Variants in EIF3M observed in about 807,000 individuals in gnomAD.
EIF3M encodes the protein B5 receptor.
In EIF3M, 25 loss-of-function variants were observed where a neutral mutation model predicts 49.7. The ratio of observed to expected loss-of-function variants is 0.50; its 90% CI spans 0.37 to 0.70. EIF3M has a LOEUF of 0.70. EIF3M is among the 30% of genes least tolerant of loss of function. The pLI is 0.00. For synonymous variants in EIF3M, 156 were observed against 149.8 expected, an observed-to-expected ratio of 1.04 and a Z score of -0.30; for missense variants, 350 against 440.0, an observed-to-expected ratio of 0.80 and a Z score of 1.83.
At chr11:32,601,521 AAACAG>A in intron 9 of EIF3M, 1 of 257,964 alleles carries the variant, frequency 3.9e-6, no homozygotes, top group Non-Finnish European at 7.1e-6. Flanking sequence ...AAAAAAAAAA[AAACAG>A]CAAAAAACTG....
At chr11:32,594,705 C>T (rs1009206680) in intron 6 of EIF3M, 12 of 392,716 alleles carry the variant, frequency 3.1e-5, no homozygotes, top group Non-Finnish European at 5.4e-5. Flanking sequence ...TTTTTATCTA[C>T]AATTAATATA....
At position 32,598,005 on chromosome 11, in the gene EIF3M, A is replaced by G. The variant is rs12801493; in HGVS notation, c.799+1958A>G. Among the ~76,000 whole-genome samples the G allele has an allele frequency of 7.6e-3, 1,162 of 152,328 alleles. 12 individuals carry two copies. Among genetic ancestry groups the G allele is most frequent in the Non-Finnish European group, 0.012 (792 of 68,012 alleles). On this transcript the variant is annotated intron_variant, in intron 8 of 10. Transcript: ENST00000531120. ...AATAAGGCATTTGAAATACACCAAG[A>G]TAAAGTAGATGTAAGTGTGTTTGTG...
rs773775103 is a variant in EIF3M at position 32,603,158 on chromosome 11, A to C, written c.*759A>C. The C allele has an allele frequency of 7.8e-6, 5 of 637,310 alleles. No homozygotes were observed. Among genetic ancestry groups the C allele is most frequent in the Non-Finnish European group, 1.3e-5 (5 of 374,132 alleles). The allele number at this position is 637,310 out of a possible 1,614,324, so 39.5% of individuals were successfully genotyped here. The stretch of plus-strand genomic sequence containing the variant: ...TTTCCACTACCTTAGTAGTTCTGGC[A>C]CCAGAAAAGTATACAATGTGAATGT... On this transcript the variant is annotated 3_prime_UTR_variant, in exon 11 of 11. Coordinates refer to ENST00000531120, the MANE Select transcript of EIF3M (RefSeq NM_006360.6).
intron 5 of EIF3M, among the ~76,000 whole-genome samples, chr11:32,591,622 G>C (rs560094672): frequency 1.3e-5 from 2 of 152,194 alleles, no homozygotes; most frequent in African/African-American, 2.4e-5. Flanking sequence ...AGGCTTTCCT[G>C]TTTAAGCTGC....
chr11:32,587,326 G>A lies in EIF3M; in HGVS notation c.175+182G>A, dbSNP rs138457839. ...AGGACTTTTAAATAGATAGGTAGTG[G>A]TTGTATGTATTTTGGGGGCACAGGT... On this transcript the variant is annotated intron_variant, in intron 2 of 10. Transcript: ENST00000531120. Among the ~76,000 whole-genome samples the A allele has an allele frequency of 1.3e-3, 200 of 152,294 alleles. 5 individuals are homozygous for A. The highest frequency in any genetic ancestry group is 0.012 in the Admixed American group (188 of 15,302).
At chr11:32,583,999 C>T (rs560583411) in intron 1 of EIF3M, 70 bp downstream of exon 1, 4 of 1,593,618 alleles carry the variant, frequency 2.5e-6, no homozygotes, top group East Asian at 2.3e-5. Flanking sequence ...GGACCGCTGC[C>T]GAGCCTGGGC....
Position 32,600,766 on chromosome 11 carries a change from T to C in EIF3M, c.877T>C (p.Ser293Pro), listed in dbSNP as rs979764462. 4 of 1,611,946 alleles carry C rather than the reference T, an allele frequency of 2.5e-6. No individual in the cohort carries two copies. The highest frequency in any genetic ancestry group is 3.4e-6 in the Non-Finnish European group (4 of 1,178,546). ...MGMAVENKEI[S>P]FDTMQQELQI... The stretch of plus-strand genomic sequence containing the variant: ...AATGGCAGTAGAAAATAAGGAAATT[T>C]CTTTTGACACAATGCAGCAAGAACT... The change falls in exon 9 of 11, where the codon TCT becomes CCT. Residue 293 changes from serine (S) to proline (P), a missense_variant. Physicochemically the swap from Ser to Pro is moderately conservative, Grantham distance 74 (BLOSUM62 -1). Coordinates refer to ENST00000531120, the MANE Select transcript of EIF3M (RefSeq NM_006360.6).
chr11:32,599,376 G>A (rs1360373152), intron 8 of EIF3M, among the ~76,000 whole-genome samples: 1 of 151,980 alleles, frequency 6.6e-6, no homozygotes, highest in East Asian at 1.9e-4. Context: ...GAGTTATGGT[G>A]ATCATGTTTT....
At position 32,584,280 on chromosome 11, in the gene EIF3M, A is replaced by G. The variant is rs945738266; in HGVS notation, c.42+351A>G. 3 of 303,986 alleles carry G rather than the reference A, an allele frequency of 9.9e-6. No homozygotes were observed. The South Asian group carries it at 1.5e-4, about 15-fold the overall frequency. 18.8% of individuals were successfully genotyped at this position (303,986 alleles called of 1,614,324 possible). A position where few individuals can be genotyped will look rare whatever the true frequency, so the allele number is the denominator to read the frequency against. On this transcript the variant is annotated intron_variant, in intron 1 of 10. Transcript: ENST00000531120. ...GAGGTGGTGAATCTGTAGTTAGCAT[A>G]AGCAGGGTAGGGAAAAGTAATTTTG...
intron 5 of EIF3M, chr11:32,591,845 A>G: frequency 4.1e-6 from 1 of 242,004 alleles, no homozygotes; most frequent in Admixed American, 4.0e-5. Context: ...TTATCCACCA[A>G]AACTGCCCCC....
chr11:32,588,451 AAAAT>A, intron 2 of EIF3M, 139 bp from the exon 3 acceptor site: 1 of 905,136 alleles, frequency 1.1e-6, no homozygotes, highest in Non-Finnish European at 1.5e-6. Context: ...CCTCTTTAAT[AAAAT>A]ATACAAGTTG....
chr11:32,588,465 G>GA, intron 2 of EIF3M, 129 bp from the exon 3 acceptor site: 2 of 966,052 alleles, frequency 2.1e-6, no homozygotes, highest in Non-Finnish European at 2.8e-6. Context: ...TATACAAGTT[G>GA]CTTTCTGAAT....
At position 32,602,958 on chromosome 11, in the gene EIF3M, A is replaced by G. The variant is rs551176908; in HGVS notation, c.*559A>G. 15 of 1,613,558 alleles carry G rather than the reference A, an allele frequency of 9.3e-6. No homozygotes were observed. The South Asian group carries it at 1.3e-4, about 14-fold the overall frequency. ...AGTCATCATCACCAGAAGTATTTTTAGTCGTCTTGATTGCCTGCAAATGGC... is the reference window on the plus strand; with the variant it reads ...AGTCATCATCACCAGAAGTATTTTTGGTCGTCTTGATTGCCTGCAAATGGC... On this transcript the variant is annotated 3_prime_UTR_variant, in exon 11 of 11. Coordinates refer to ENST00000531120, the MANE Select transcript of EIF3M (RefSeq NM_006360.6).
At chr11:32,586,129 T>C (rs1015303134) in intron 1 of EIF3M, among the ~76,000 whole-genome samples, 4 of 152,144 alleles carry the variant, frequency 2.6e-5, no homozygotes, top group Non-Finnish European at 5.9e-5. Context: ...CTTGGGAGGC[T>C]GAGGCTGGAG....
intron 2 of EIF3M, among the ~76,000 whole-genome samples, chr11:32,587,908 ATAAC>A (rs1855025178): frequency 6.6e-6 from 1 of 152,232 alleles, no homozygotes; most frequent in South Asian, 2.1e-4. Flanking sequence ...ATACTTAAAA[ATAAC>A]TAATTCAAGC....
At chr11:32,584,047 G>A in intron 1 of EIF3M, 118 bp downstream of exon 1, 5 of 1,356,010 alleles carry the variant, frequency 3.7e-6, no homozygotes, top group South Asian at 2.5e-5. Flanking sequence ...TGTTCTACAC[G>A]CGAGAATGGG....
chr11:32,596,486 T>C (rs1040203531), intron 8 of EIF3M, among the ~76,000 whole-genome samples: 10 of 151,568 alleles, frequency 6.6e-5, no homozygotes, highest in Non-Finnish European at 1.2e-4. Flanking sequence ...TCCCAGCTAC[T>C]TGAGAGGCTG....
rs1431222191 is a variant in EIF3M at position 32,602,849 on chromosome 11, CTT to C, written c.*453_*454del. On this transcript the variant is annotated 3_prime_UTR_variant, in exon 11 of 11. Coordinates refer to ENST00000531120, the MANE Select transcript of EIF3M (RefSeq NM_006360.6). The stretch of plus-strand genomic sequence containing the variant: ...TTGTTTTTTTCCAACGTCTCTTCTG[CTT>C]TTCTTTTCTTTGGCTGGTTGTCATT... 5 of 1,608,682 alleles carry C rather than the reference CTT, an allele frequency of 3.1e-6. No homozygotes were observed. The highest frequency in any genetic ancestry group is 4.2e-6 in the Non-Finnish European group (5 of 1,177,954).
chr11:32,603,023 G>A lies in EIF3M; in HGVS notation c.*624G>A, dbSNP rs777834340. The A allele has an allele frequency of 6.3e-7, 1 of 1,583,686 alleles. No homozygotes were observed. Among genetic ancestry groups the A allele is most frequent in the South Asian group, 1.2e-5 (1 of 85,192 alleles). ...GATATCAGAGGCTTTGTTTTCACCT[G>A]GGAAAGATAAACTAATTTTACCTTC... On this transcript the variant is annotated 3_prime_UTR_variant, in exon 11 of 11. Coordinates refer to ENST00000531120, the MANE Select transcript of EIF3M (RefSeq NM_006360.6).
Sources: gnomAD v4.1 joint callset for allele counts (sites outside exome capture counted in the v4.1 genomes callset) on GRCh38, gnomAD v4.1.1 for gene constraint, MANE v1.5 for transcripts, NCBI Gene and HGNC (gene_info 2026-07-23, HGNC 2026-07-21) for gene names.